PTPRS: variants seen among roughly 807,000 people sequenced by gnomAD.
The protein encoded by PTPRS is protein tyrosine phosphatase receptor type S.
PTPRS carries 63 observed loss-of-function variants against 215.3 expected under a neutral mutation model. The observed-to-expected ratio is 0.29, with a 90% confidence interval of 0.24 to 0.36. The LOEUF (loss-of-function observed/expected upper bound fraction) is 0.36, where lower values mean the gene tolerates loss of function less well. PTPRS is among the 10% of genes least tolerant of loss of function. PTPRS has a pLI of 1.00. For missense variants in PTPRS, 2,258 were observed against 2,825.8 expected, an observed-to-expected ratio of 0.80 and a Z score of 4.56; for synonymous variants, 1,404 against 1,191.4, an observed-to-expected ratio of 1.18 and a Z score of -3.68.
chr19:5,286,328 G>A (rs974407280), intron 1 of PTPRS, 94 bp from the exon 2 acceptor site: 18 of 622,364 alleles, frequency 2.9e-5, no homozygotes, highest in Non-Finnish European at 4.3e-5. Flanking sequence ...GAGCAGGGGA[G>A]GGTCCTGCGG....
At chr19:5,249,311 CAAAT>C (rs926767240) in intron 9 of PTPRS, among the ~76,000 whole-genome samples, 106 of 152,160 alleles carry the variant, frequency 7.0e-4, no homozygotes, top group African/African-American at 2.0e-3. Flanking sequence ...ACTCCATCTC[CAAAT>C]AAATAAATAA....
chr19:5,340,183 C>G (rs891614574), intron 1 of PTPRS, among the ~76,000 whole-genome samples: 17 of 150,900 alleles, frequency 1.1e-4, no homozygotes, highest in African/African-American at 3.6e-4. Flanking sequence ...CGCCCGCATG[C>G]CCCCCATCCC....
chr19:5,238,413 G>T (rs2043674975), intron 13 of PTPRS, among the ~76,000 whole-genome samples: 1 of 152,138 alleles, frequency 6.6e-6, no homozygotes, highest in African/African-American at 2.4e-5. Context: ...TCGTCCTGGG[G>T]TCTTGAGAGC....
intron 13 of PTPRS, among the ~76,000 whole-genome samples, chr19:5,232,510 AGC>A (rs1391049258): frequency 6.8e-6 from 1 of 147,814 alleles, no homozygotes. Context: ...CCATTTATTA[AGC>A]ACTTATTATG....
intron 1 of PTPRS, among the ~76,000 whole-genome samples, chr19:5,305,353 T>G (rs1401466986): frequency 6.6e-6 from 1 of 151,352 alleles, no homozygotes; most frequent in Non-Finnish European, 1.5e-5. Flanking sequence ...GAAGACCAAC[T>G]TGGGCAACAC....
At chr19:5,292,258 G>A (rs1485389185) in intron 1 of PTPRS, among the ~76,000 whole-genome samples, 1 of 152,190 alleles carries the variant, frequency 6.6e-6, no homozygotes, top group Non-Finnish European at 1.5e-5. Context: ...GCGTCACCTG[G>A]GTTTCAGAGG....
At chr19:5,337,478 C>T (rs1472933890) in intron 1 of PTPRS, among the ~76,000 whole-genome samples, 1 of 152,224 alleles carries the variant, frequency 6.6e-6, no homozygotes, top group African/African-American at 2.4e-5. Flanking sequence ...ATCAGCGAAG[C>T]CACAGGTCTC....
At chr19:5,309,007 C>A (rs928759842) in intron 1 of PTPRS, among the ~76,000 whole-genome samples, 17 of 152,280 alleles carry the variant, frequency 1.1e-4, no homozygotes, top group African/African-American at 2.4e-4. Flanking sequence ...CTCACCAAGA[C>A]CCCCTGGCCC....
At chr19:5,324,121 C>T (rs1266168435) in intron 1 of PTPRS, among the ~76,000 whole-genome samples, 4 of 146,918 alleles carry the variant, frequency 2.7e-5, no homozygotes, top group Non-Finnish European at 4.5e-5. Context: ...TCCAGCTACT[C>T]GGGAGGCTGA....
Position 5,210,696 on chromosome 19 carries a change from G to T in PTPRS, c.5344C>A (p.Leu1782Met). The T allele has an allele frequency of 6.2e-7, 1 of 1,614,184 alleles. No individual in the cohort carries two copies. The highest frequency in any genetic ancestry group is 8.5e-7 in the Non-Finnish European group (1 of 1,180,042). ...TAGCTCACCCGGCCCATCTCCCGCA[G>T]CTTGGTCAGCATCACCACGATCGTC... The part of the protein sequence containing the change: ...NSTIVVMLTK[L>M]REMGREKCHQ... The change falls in exon 34 of 38, where the codon CTG (leucine) becomes ATG (methionine). Residue 1782 changes from leucine (L) to methionine (M), a missense_variant. Leu to Met is a conservative substitution (Grantham distance 15). This residue lies in a region of PTPRS where 927 missense variants were observed against 1,125.9 expected (regional missense o/e 0.82). Transcript: ENST00000262963. This position sits in a 1 kb window ranked among gnomAD's most constrained non-coding sequence, Gnocchi z 4.5.
At chr19:5,325,505 G>T (rs934765795) in intron 1 of PTPRS, among the ~76,000 whole-genome samples, 2 of 151,872 alleles carry the variant, frequency 1.3e-5, no homozygotes, top group Non-Finnish European at 2.9e-5. Context: ...GAAGAGAGAC[G>T]TCATCGGGGC....
chr19:5,304,231 C>T (rs1466514412), intron 1 of PTPRS, among the ~76,000 whole-genome samples: 2 of 151,350 alleles, frequency 1.3e-5, no homozygotes, highest in African/African-American at 2.4e-5. Flanking sequence ...ATTGGGAGGC[C>T]GAGGCAGGCA....
rs932186870 is a variant in PTPRS, at chr19:5,287,713, C to T, written c.-94-1479G>A. Among the ~76,000 whole-genome samples, 7 of 152,068 alleles carry T rather than the reference C, an allele frequency of 4.6e-5. No homozygotes were observed. Among genetic ancestry groups the T allele is most frequent in the African/African-American group, 1.2e-4 (5 of 41,392 alleles). On this transcript the variant is annotated intron_variant, in intron 1 of 37. Coordinates refer to ENST00000262963, the MANE Select transcript of PTPRS (RefSeq NM_002850.4). This position sits in a 1 kb window ranked among gnomAD's most constrained non-coding sequence, Gnocchi z 4.8. ...GGGGCGGTCCCAGGGGAAGGATGGG[C>T]GGGTAGTGGCCGGGTCACAGCCTAG...
At position 5,280,804 on chromosome 19, in the gene PTPRS, T is replaced by C. The variant is rs573932728; in HGVS notation, c.91+5246A>G. Among the ~76,000 whole-genome samples, 49 of 151,712 alleles carry C rather than the reference T, an allele frequency of 3.2e-4. No individual in the cohort carries two copies. The South Asian group carries it at 9.6e-3, about 30-fold the overall frequency. ...TCCCTTAACTTTTTTTTTTTGTTTGTTTTTTGAGATGGAGTCTCGCTCTGT... is the reference window on the plus strand; with the variant it reads ...TCCCTTAACTTTTTTTTTTTGTTTGCTTTTTGAGATGGAGTCTCGCTCTGT... On this transcript the variant is annotated intron_variant, in intron 2 of 37. Coordinates refer to ENST00000262963, the MANE Select transcript of PTPRS (RefSeq NM_002850.4).
chr19:5,215,434 CG>C, intron 27 of PTPRS, 22 bp from the exon 28 acceptor site: 2 of 1,436,510 alleles, frequency 1.4e-6, no homozygotes, highest in Non-Finnish European at 1.9e-6. Context: ...GGGGAGAGCG[CG>C]GGTGTCAGGG....
Position 5,240,292 on chromosome 19 carries a change from C to T in PTPRS, c.1611G>A (p.Ser537=), listed in dbSNP as rs576655137. ...QPMNLRAEAR[S]ETSITLSWSP... Reference sequence around the variant, plus strand: ...TCCAGGACAGCGTGATGCTGGTCTCCGACCTGGCCTCGGCCCGCAGGTTCA... The same window carrying T: ...TCCAGGACAGCGTGATGCTGGTCTCTGACCTGGCCTCGGCCCGCAGGTTCA... Residue 537 remains serine (S), a synonymous_variant, in exon 12 of 38, where the codon TCG becomes TCA. Transcript: ENST00000262963. 7.7e-5 allele frequency: 123 copies of T among 1,602,374 alleles called. 4 individuals carry two copies. Among genetic ancestry groups the T allele is most frequent in the Admixed American group, 2.9e-4 (17 of 58,436 alleles).
At chr19:5,266,574 C>A (rs1346575515) in intron 4 of PTPRS, among the ~76,000 whole-genome samples, 3 of 152,078 alleles carry the variant, frequency 2.0e-5, no homozygotes, top group African/African-American at 7.2e-5. Flanking sequence ...GCCATGTTGG[C>A]CAGGCTGGTC....
At chr19:5,319,096 A>C (rs1244014036) in intron 1 of PTPRS, among the ~76,000 whole-genome samples, 1 of 152,154 alleles carries the variant, frequency 6.6e-6, no homozygotes, top group Admixed American at 6.6e-5. Context: ...AAAGAAAAAA[A>C]GGAGGGATAC....
chr19:5,256,210 T>C, intron 8 of PTPRS, 91 bp from the exon 9 acceptor site: 1 of 1,008,450 alleles, frequency 9.9e-7, no homozygotes, highest in Non-Finnish European at 1.4e-6. Context: ...AAAGAGGACT[T>C]CCCAAGGCTA....
Sources: gnomAD v4.1 joint callset for allele counts (sites outside exome capture counted in the v4.1 genomes callset) on GRCh38, gnomAD v4.1.1 for gene constraint, gnomAD v4.1.1 regional missense constraint, Gnocchi (gnomAD v3.1) non-coding constraint, MANE v1.5 for transcripts, NCBI Gene and HGNC (gene_info 2026-07-23, HGNC 2026-07-21) for gene names.